Variants in OSBPL6 observed in about 807,000 individuals in gnomAD.
The protein encoded by OSBPL6 is oxysterol binding protein like 6.
OSBPL6 carries 49 observed loss-of-function variants against 125.8 expected under a neutral mutation model. The observed-to-expected ratio is 0.39, with a 90% CI of 0.31 to 0.49. The LOEUF (loss-of-function observed/expected upper bound fraction) is 0.49, where lower values mean the gene tolerates loss of function less well. Ranked by LOEUF, OSBPL6 falls within the 20% of genes least tolerant of loss-of-function variation. OSBPL6 has a pLI of 0.88. For synonymous variants in OSBPL6, 394 were observed against 391.8 expected, an observed-to-expected ratio of 1.01 and a Z score of -0.07; for missense variants, 986 against 1,135.4, an observed-to-expected ratio of 0.87 and a Z score of 1.89.
At chr2:178,278,126 C>T (rs1047034584) in intron 1 of OSBPL6, among the ~76,000 whole-genome samples, 1 of 152,148 alleles carries the variant, frequency 6.6e-6, no homozygotes, top group African/African-American at 2.4e-5. Flanking sequence ...TTTATTCATC[C>T]CTGCATGCCC....
intron 10 of OSBPL6, 78 bp from the exon 11 acceptor site, chr2:178,339,594 C>T: frequency 8.6e-7 from 1 of 1,158,658 alleles, no homozygotes; most frequent in South Asian, 2.0e-5. Flanking sequence ...TAGTAACTTG[C>T]TGTGCTCTTG....
rs553122449 is a variant in OSBPL6, at chr2:178,248,100, G to A, written c.-350-36827G>A. ...GAAAGTTATATTCTCCCTACTTGTAGATACAAAACGAAGATTCAGAAAGGC... is the reference window on the plus strand; with the variant it reads ...GAAAGTTATATTCTCCCTACTTGTAAATACAAAACGAAGATTCAGAAAGGC... On this transcript the variant is annotated intron_variant, in intron 1 of 24. Coordinates refer to ENST00000190611, the MANE Select transcript of OSBPL6 (RefSeq NM_032523.4). Among the ~76,000 whole-genome samples, 12 of 152,300 alleles carry A rather than the reference G, an allele frequency of 7.9e-5. No homozygotes were observed. In the East Asian group the frequency reaches 2.3e-3, roughly 29 times the overall value.
rs1684571509 is a variant in OSBPL6, at chr2:178,285,087, A to T, written c.-190A>T. ...CACTGTGAAACAGCTTTGACCATAA[A>T]GCTGACTTGGAAGACTTTGACTCCA... On this transcript the variant is annotated 5_prime_UTR_variant, in exon 2 of 25. The change creates a new upstream start codon in the 5' untranslated region. Coordinates refer to ENST00000190611, the MANE Select transcript of OSBPL6 (RefSeq NM_032523.4). 2.5e-6 allele frequency: 1 copy of T among 398,392 alleles called. No individual in the cohort carries two copies. The highest frequency in any genetic ancestry group is 2.1e-5 in the African/African-American group (1 of 48,628). 24.7% of individuals were successfully genotyped at this position (398,392 alleles called of 1,614,324 possible).
At chr2:178,335,281 G>A (rs1689579416) in intron 8 of OSBPL6, among the ~76,000 whole-genome samples, 1 of 151,826 alleles carries the variant, frequency 6.6e-6, no homozygotes, top group South Asian at 2.1e-4. Context: ...ATCTGAGAAT[G>A]GAAGACTAAA....
intron 4 of OSBPL6, among the ~76,000 whole-genome samples, chr2:178,327,232 A>G (rs975529678): frequency 1.3e-5 from 2 of 152,228 alleles, no homozygotes; most frequent in Admixed American, 1.3e-4. Context: ...TTTAGTCAGA[A>G]GAAAACTTGC....
chr2:178,382,748 C>G, intron 16 of OSBPL6: 2 of 1,435,412 alleles, frequency 1.4e-6, no homozygotes, highest in Non-Finnish European at 1.8e-6. Context: ...CAGCTTGAGT[C>G]CTTCTTATTA....
chr2:178,362,775 T>C (rs893928961), intron 13 of OSBPL6, among the ~76,000 whole-genome samples: 2 of 152,316 alleles, frequency 1.3e-5, no homozygotes, highest in Non-Finnish European at 2.9e-5. Context: ...GATGTTGTTA[T>C]ATGGGCCACA....
At chr2:178,355,949 A>G (rs2154094454) in intron 12 of OSBPL6, among the ~76,000 whole-genome samples, 1 of 152,342 alleles carries the variant, frequency 6.6e-6, no homozygotes, top group East Asian at 1.9e-4. Flanking sequence ...AAATCAATAA[A>G]CGTAATCCAT....
intron 1 of OSBPL6, among the ~76,000 whole-genome samples, chr2:178,231,142 C>G (rs549412467): frequency 7.9e-5 from 12 of 152,088 alleles, no homozygotes; most frequent in Non-Finnish European, 1.6e-4. Flanking sequence ...AAAGGCTGGC[C>G]TGTGGTGGAC....
chr2:178,362,745 G>C lies in OSBPL6; in HGVS notation c.1287+930G>C, dbSNP rs1692466816. Among the ~76,000 whole-genome samples the C allele has an allele frequency of 2.0e-5, 3 of 152,220 alleles. No individual in the cohort carries two copies. In the Middle Eastern group the frequency reaches 0.01, roughly 518 times the overall value. ...TCCCTGAACTGTCGGCGTATTTTCA[G>C]TGTTAAGTTTCATGTCATGGATGTT... On this transcript the variant is annotated intron_variant, in intron 13 of 24. Coordinates refer to ENST00000190611, the MANE Select transcript of OSBPL6 (RefSeq NM_032523.4).
At chr2:178,340,372 A>C (rs1041227505) in intron 11 of OSBPL6, among the ~76,000 whole-genome samples, 1 of 152,122 alleles carries the variant, frequency 6.6e-6, no homozygotes, top group African/African-American at 2.4e-5. Context: ...TACAAAAATA[A>C]ATATTATTTG....
At position 178,274,867 on chromosome 2, in the gene OSBPL6, G is replaced by A. The variant is rs578155065; in HGVS notation, c.-350-10060G>A. Among the ~76,000 whole-genome samples, 29 of 152,118 alleles carry A rather than the reference G, an allele frequency of 1.9e-4. No homozygotes were observed. In the South Asian group the frequency reaches 3.7e-3, roughly 20 times the overall value. The stretch of plus-strand genomic sequence containing the variant: ...TAAACTTCAGATTGTACCCTGCTGA[G>A]CAGTTTAAAAATTGTCCTCTAGGAC... On this transcript the variant is annotated intron_variant, in intron 1 of 24. Coordinates refer to ENST00000190611, the MANE Select transcript of OSBPL6 (RefSeq NM_032523.4).
intron 13 of OSBPL6, among the ~76,000 whole-genome samples, chr2:178,369,548 A>G (rs894836354): frequency 6.6e-6 from 1 of 152,220 alleles, no homozygotes; most frequent in African/African-American, 2.4e-5. Context: ...CTTAGCCCTG[A>G]GATCAAGAGA....
intron 2 of OSBPL6, among the ~76,000 whole-genome samples, chr2:178,290,399 AT>A (rs1167369858): frequency 1.4e-5 from 2 of 142,110 alleles, no homozygotes; most frequent in Admixed American, 1.4e-4. Flanking sequence ...AATATTTGTT[AT>A]GTTTCACATA....
At chr2:178,313,180 G>T (rs1358427404) in intron 3 of OSBPL6, among the ~76,000 whole-genome samples, 1 of 152,168 alleles carries the variant, frequency 6.6e-6, no homozygotes, top group Non-Finnish European at 1.5e-5. Context: ...ACAAGCATGA[G>T]CCACCACGCC....
rs1437083815 is a variant in OSBPL6, at chr2:178,395,474, G to A, written c.2720G>A (p.Arg907Lys). The change falls in exon 25 of 25, where the codon AGA becomes AAA. Residue 907 changes from arginine (R) to lysine (K), a missense_variant. By Grantham distance (26) the Arg-to-Lys change is conservative. Transcript: ENST00000190611. ...AGAAAAGTTATTGATGCCAATCAAA[G>A]AGAAGCCTGGGTTTCTAACGACACC... ...FFKKVIDANQ[R>K]EAWVSNDTYW... is the part of the protein sequence containing the mutation. 5 of 1,613,470 alleles carry A rather than the reference G, an allele frequency of 3.1e-6. No individual in the cohort carries two copies. Among genetic ancestry groups the A allele is most frequent in the African/African-American group, 1.3e-5 (1 of 74,846 alleles).
chr2:178,373,196 A>C (rs1191878529), intron 14 of OSBPL6, among the ~76,000 whole-genome samples: 1 of 152,176 alleles, frequency 6.6e-6, no homozygotes, highest in Non-Finnish European at 1.5e-5. Context: ...CTCAGATAAC[A>C]CTTGTATTCA....
intron 13 of OSBPL6, among the ~76,000 whole-genome samples, chr2:178,368,593 T>C (rs1693074183): frequency 6.6e-6 from 1 of 152,134 alleles, no homozygotes; most frequent in African/African-American, 2.4e-5. Context: ...ACCAAACTGT[T>C]TTCTTTTGGC....
At chr2:178,382,897 T>A (rs967793271) in intron 16 of OSBPL6, 127 bp from the exon 17 acceptor site, 10 of 1,450,568 alleles carry the variant, frequency 6.9e-6, no homozygotes, top group African/African-American at 1.4e-5. Flanking sequence ...TCCATTTACT[T>A]TTGAAAAGAT....
Sources: gnomAD v4.1 joint callset for allele counts (sites outside exome capture counted in the v4.1 genomes callset) on GRCh38, gnomAD v4.1.1 for gene constraint, MANE v1.5 for transcripts, NCBI Gene and HGNC (gene_info 2026-07-23, HGNC 2026-07-21) for gene names.